PTPRT: variants seen among roughly 807,000 people sequenced by gnomAD.
The protein encoded by PTPRT is protein tyrosine phosphatase receptor type T, also known as receptor-type tyrosine-protein phosphatase T.
In PTPRT, 56 loss-of-function variants were observed where a neutral mutation model predicts 176.8. The ratio of observed to expected loss-of-function variants is 0.32; its 90% CI spans 0.26 to 0.40. The LOEUF (loss-of-function observed/expected upper bound fraction) is 0.40. Among genes scored for constraint, PTPRT ranks in the 10% least tolerant of loss-of-function variants. The pLI, the probability that PTPRT is intolerant of heterozygous loss-of-function variation, is 1.00. For missense variants in PTPRT, 1,540 were observed against 1,908.2 expected, an observed-to-expected ratio of 0.81 and a Z score of 3.60; for synonymous variants, 783 against 739.0, an observed-to-expected ratio of 1.06 and a Z score of -0.96.
At chr20:42,912,314 GTTGAATGTT>G (rs1978450534) in intron 1 of PTPRT, among the ~76,000 whole-genome samples, 1 of 152,098 alleles carries the variant, frequency 6.6e-6, no homozygotes, top group African/African-American at 2.4e-5. Context: ...ATTAGGTGAG[GTTGAATGTT>G]TTTTATAAGT....
At chr20:42,810,815 G>A (rs1040789649) in intron 2 of PTPRT, among the ~76,000 whole-genome samples, 1 of 152,174 alleles carries the variant, frequency 6.6e-6, no homozygotes, top group Non-Finnish European at 1.5e-5. Flanking sequence ...CACCATAGAA[G>A]TCTTTCGACG....
chr20:42,985,314 G>A (rs1430599598), intron 1 of PTPRT, among the ~76,000 whole-genome samples: 3 of 152,080 alleles, frequency 2.0e-5, no homozygotes, highest in Non-Finnish European at 2.9e-5. Flanking sequence ...GACCAACATG[G>A]TGAAACCCCG....
chr20:42,740,923 C>G (rs1243620976), intron 6 of PTPRT, among the ~76,000 whole-genome samples: 1 of 152,044 alleles, frequency 6.6e-6, no homozygotes, highest in African/African-American at 2.4e-5. Context: ...TGCTATAAAC[C>G]CCTTCCAGTA....
At chr20:42,314,612 T>C (rs2057689265) in intron 12 of PTPRT, among the ~76,000 whole-genome samples, 1 of 151,116 alleles carries the variant, frequency 6.6e-6, no homozygotes, top group South Asian at 2.1e-4. Context: ...CAAACTTGTG[T>C]AATAAAACAG....
chr20:42,356,435 C>T (rs1440710944), intron 9 of PTPRT, among the ~76,000 whole-genome samples: 2 of 152,140 alleles, frequency 1.3e-5, no homozygotes, highest in African/African-American at 2.4e-5. Flanking sequence ...TGGCTCGCAC[C>T]TGTAATCCCA....
At chr20:42,879,865 T>C (rs2078990022) in intron 2 of PTPRT, among the ~76,000 whole-genome samples, 1 of 152,240 alleles carries the variant, frequency 6.6e-6, no homozygotes, top group Admixed American at 6.5e-5. Context: ...TTTTCTGCTC[T>C]AGAAATGTGT....
At chr20:42,178,240 G>C (rs1043348254) in intron 16 of PTPRT, among the ~76,000 whole-genome samples, 1 of 152,092 alleles carries the variant, frequency 6.6e-6, no homozygotes, top group African/African-American at 2.4e-5. Flanking sequence ...CCAGCCAGAA[G>C]ATCTGTTTTT....
intron 5 of PTPRT, 141 bp downstream of exon 5, chr20:42,771,294 G>A: frequency 1.4e-6 from 1 of 739,598 alleles, no homozygotes; most frequent in South Asian, 1.7e-5. Flanking sequence ...GTAAGCAAGG[G>A]TGGGCTCCGG....
rs184143700 is a variant in PTPRT, at chr20:42,082,596, C to G, written c.4137-579G>C. On this transcript the variant is annotated intron_variant, in intron 29 of 30. Coordinates refer to ENST00000373187, the MANE Select transcript of PTPRT (RefSeq NM_007050.6). ...AGGAACTTGGAGGGAGGAACTGGTC[C>G]TGATAGGCTTTATCTTAAAATGACA... 3.6e-4 allele frequency among the ~76,000 whole-genome samples: 55 copies of G among 152,280 alleles called. No homozygotes were observed. In the East Asian group the frequency reaches 0.01, roughly 28 times the overall value.
chr20:42,402,230 T>A (rs546635110), intron 9 of PTPRT, among the ~76,000 whole-genome samples: 2 of 152,194 alleles, frequency 1.3e-5, no homozygotes, highest in South Asian at 4.1e-4. Flanking sequence ...CCCCAAAACA[T>A]CCCTGACTTG....
intron 1 of PTPRT, among the ~76,000 whole-genome samples, chr20:43,073,392 C>T (rs1471744580): frequency 5.3e-5 from 8 of 151,878 alleles, no homozygotes; most frequent in African/African-American, 1.9e-4. Flanking sequence ...GGCTGTTACT[C>T]TAATCATGCA....
intron 11 of PTPRT, among the ~76,000 whole-genome samples, chr20:42,343,719 GGTT>G (rs2058145868): frequency 6.6e-6 from 1 of 152,218 alleles, no homozygotes; most frequent in Non-Finnish European, 1.5e-5. Flanking sequence ...GATGAGTGTA[GGTT>G]TCCTGATGTG....
At chr20:42,726,542 G>A (rs1252252594) in intron 6 of PTPRT, among the ~76,000 whole-genome samples, 2 of 152,258 alleles carry the variant, frequency 1.3e-5, no homozygotes, top group Non-Finnish European at 2.9e-5. Flanking sequence ...AGGATTCTGA[G>A]GCCAGATGGC....
intron 7 of PTPRT, among the ~76,000 whole-genome samples, chr20:42,663,036 C>G (rs1273130214): frequency 1.3e-5 from 2 of 151,680 alleles, no homozygotes; most frequent in African/African-American, 2.4e-5. Context: ...ACATAATATA[C>G]AGACATATAT....
intron 9 of PTPRT, among the ~76,000 whole-genome samples, chr20:42,381,849 G>C (rs1272846275): frequency 2.0e-5 from 3 of 152,050 alleles, no homozygotes; most frequent in African/African-American, 2.4e-5. Context: ...AACCTGATAC[G>C]ATTCAGACAC....
At chr20:43,109,582 G>A (rs758200655) in intron 1 of PTPRT, among the ~76,000 whole-genome samples, 17 of 152,028 alleles carry the variant, frequency 1.1e-4, no homozygotes, top group Non-Finnish European at 1.0e-4. Context: ...ATATGGTGAC[G>A]AACAAGTCAG....
intron 7 of PTPRT, among the ~76,000 whole-genome samples, chr20:42,505,954 G>C (rs2071836435): frequency 6.6e-6 from 1 of 152,170 alleles, no homozygotes; most frequent in South Asian, 2.1e-4. Context: ...GCCAGAGCAA[G>C]TAGTTGAAAA....
At chr20:42,321,979 A>G (rs569038125) in intron 11 of PTPRT, among the ~76,000 whole-genome samples, 171 of 152,284 alleles carry the variant, frequency 1.1e-3, no homozygotes, top group African/African-American at 3.9e-3. Flanking sequence ...AGGCGGAGGC[A>G]GGAGAATGCC....
the PTPRT span, among the ~76,000 whole-genome samples, chr20:42,032,757 C>T: frequency 6.6e-6 from 1 of 151,946 alleles, no homozygotes; most frequent in Non-Finnish European, 1.5e-5. Flanking sequence ...GCTCTCTCTC[C>T]TTCTCTCTCT....
Sources: allele counts gnomAD v4.1 joint callset (sites outside exome capture counted in the v4.1 genomes callset), GRCh38; gene constraint gnomAD v4.1.1; transcripts MANE v1.5; gene names NCBI Gene and HGNC (gene_info 2026-07-23, HGNC 2026-07-21).